Variants in RFX3 observed in about 807,000 individuals in gnomAD.
RFX3 encodes the protein transcription factor RFX3.
RFX3 carries 14 observed loss-of-function variants against 98.6 expected under a neutral mutation model. The observed-to-expected ratio is 0.14, with a 90% CI of 0.09 to 0.22. RFX3 has a LOEUF of 0.22. RFX3 is among the 10% of genes least tolerant of loss of function. The pLI is 1.00. For missense variants in RFX3, 639 were observed against 926.9 expected, an observed-to-expected ratio of 0.69 and a Z score of 4.03; for synonymous variants, 383 against 328.4, an observed-to-expected ratio of 1.17 and a Z score of -1.80.
At chr9:3,328,220 T>C (rs1219044566) in intron 4 of RFX3, among the ~76,000 whole-genome samples, 1 of 152,196 alleles carries the variant, frequency 6.6e-6, no homozygotes, top group Admixed American at 6.5e-5. Flanking sequence ...TTCCTTTCAC[T>C]GAAAATAATT....
chr9:3,336,803 A>G (rs186275119), intron 3 of RFX3, among the ~76,000 whole-genome samples: 3 of 152,334 alleles, frequency 2.0e-5, no homozygotes, highest in East Asian at 3.9e-4. Flanking sequence ...CAGCATTTAA[A>G]AAAGAGACTA....
intron 15 of RFX3, among the ~76,000 whole-genome samples, chr9:3,236,627 G>C (rs1192437035): frequency 6.6e-6 from 1 of 152,152 alleles, no homozygotes; most frequent in African/African-American, 2.4e-5. Context: ...CCAAGGTGCT[G>C]GCATGTTATC....
chr9:3,426,772 G>C (rs1364272917), intron 1 of RFX3, among the ~76,000 whole-genome samples: 1 of 152,182 alleles, frequency 6.6e-6, no homozygotes, highest in Non-Finnish European at 1.5e-5. Context: ...TGTCTAGCTG[G>C]AGGGAAACAA....
At chr9:3,370,840 T>A (rs1042473568) in intron 2 of RFX3, among the ~76,000 whole-genome samples, 1 of 152,158 alleles carries the variant, frequency 6.6e-6, no homozygotes, top group Non-Finnish European at 1.5e-5. Flanking sequence ...AATTGGTGCA[T>A]GTGTCTATGA....
At chr9:3,349,705 C>A (rs1481765023) in intron 2 of RFX3, among the ~76,000 whole-genome samples, 3 of 152,034 alleles carry the variant, frequency 2.0e-5, no homozygotes, top group South Asian at 4.2e-4. Context: ...GAAGTGCCCA[C>A]GTGTGAATAC....
At chr9:3,268,539 G>T (rs529068853) in intron 11 of RFX3, among the ~76,000 whole-genome samples, 2 of 151,794 alleles carry the variant, frequency 1.3e-5, no homozygotes, top group South Asian at 4.2e-4. Context: ...TGTAGAATGG[G>T]AATTAAATTT....
chr9:3,275,639 A>G (rs761665504), intron 8 of RFX3, 27 bp from the exon 9 acceptor site: 2 of 1,424,598 alleles, frequency 1.4e-6, no homozygotes, highest in Non-Finnish European at 2.0e-6. Flanking sequence ...AGAACAGAAA[A>G]AAGCTATTGT....
intron 1 of RFX3, among the ~76,000 whole-genome samples, chr9:3,404,247 A>C (rs1316004917): frequency 6.6e-6 from 1 of 152,214 alleles, no homozygotes; most frequent in South Asian, 2.1e-4. Flanking sequence ...ACTTGCTGTA[A>C]AACATAATGC....
rs1845711165 is a variant in RFX3, at chr9:3,442,739, A to T, written c.-8-47143T>A. Among the ~76,000 whole-genome samples, 7 of 152,334 alleles carry T rather than the reference A, an allele frequency of 4.6e-5. No individual in the cohort carries two copies. In the South Asian group the frequency reaches 1.4e-3, roughly 32 times the overall value. On this transcript the variant is annotated intron_variant, in intron 1 of 16. Transcript: ENST00000617270. ...AATCTAAAATTATTCCAAAGTAAAA[A>T]GTTTATTATAAAAATGGATTATAGA... is the stretch of plus-strand genomic sequence containing the variant.
At chr9:3,374,189 G>T (rs549149243) in intron 2 of RFX3, among the ~76,000 whole-genome samples, 27 of 152,080 alleles carry the variant, frequency 1.8e-4, no homozygotes, top group African/African-American at 6.3e-4. Flanking sequence ...TGTTGGTGAG[G>T]GTGTGGAGAA....
intron 4 of RFX3, among the ~76,000 whole-genome samples, chr9:3,326,038 C>T (rs934608260): frequency 1.3e-5 from 2 of 151,996 alleles, no homozygotes; most frequent in Non-Finnish European, 2.9e-5. Flanking sequence ...TTAGCTGAAC[C>T]CATATCCAGT....
chr9:3,444,737 G>A (rs1845890467), intron 1 of RFX3, among the ~76,000 whole-genome samples: 1 of 152,224 alleles, frequency 6.6e-6, no homozygotes, highest in African/African-American at 2.4e-5. Context: ...GATTTGGTCT[G>A]TGTGGCTTCA....
intron 1 of RFX3, among the ~76,000 whole-genome samples, chr9:3,506,366 G>C (rs1200067352): frequency 1.3e-5 from 2 of 151,796 alleles, no homozygotes; most frequent in African/African-American, 4.8e-5. Context: ...ACTACTGGTT[G>C]CCTTGGTGTA....
chr9:3,397,696 G>C lies in RFX3; in HGVS notation c.-8-2100C>G, dbSNP rs182492156. Reference sequence around the variant, plus strand: ...ACTTTGACATTGGCATCTTTTTAGGGGATTATTTTCTCATTCTTTTGTTAG... The same window carrying C: ...ACTTTGACATTGGCATCTTTTTAGGCGATTATTTTCTCATTCTTTTGTTAG... On this transcript the variant is annotated intron_variant, in intron 1 of 16. Coordinates refer to ENST00000617270, the MANE Select transcript of RFX3 (RefSeq NM_001282116.2). 3.6e-3 allele frequency among the ~76,000 whole-genome samples: 547 copies of C among 152,074 alleles called. 1 individual carries two copies. The highest frequency in any genetic ancestry group is 6.3e-3 in the Non-Finnish European group (430 of 67,988).
intron 4 of RFX3, among the ~76,000 whole-genome samples, chr9:3,319,400 G>A (rs1352022195): frequency 6.6e-6 from 1 of 151,928 alleles, no homozygotes; most frequent in Admixed American, 6.6e-5. Context: ...GACTACTTAA[G>A]GGAATATAAA....
At chr9:3,515,557 T>A (rs1009935998) in intron 1 of RFX3, among the ~76,000 whole-genome samples, 1 of 152,158 alleles carries the variant, frequency 6.6e-6, no homozygotes, top group Non-Finnish European at 1.5e-5. Context: ...TGTAATGCAC[T>A]GATGTCTAAC....
At chr9:3,425,478 T>A (rs984323987) in intron 1 of RFX3, among the ~76,000 whole-genome samples, 1 of 152,228 alleles carries the variant, frequency 6.6e-6, no homozygotes, top group African/African-American at 2.4e-5. Context: ...TTCAACATTT[T>A]AAAATGTATA....
chr9:3,524,426 G>A lies in RFX3; in HGVS notation c.-9+1321C>T, dbSNP rs546047323. ...ATCAAAAAGTAAATAAAAAGAATAT[G>A]TTAAGTACACACATGCCTAGATCTT... On this transcript the variant is annotated intron_variant, in intron 1 of 16. Coordinates refer to ENST00000617270, the MANE Select transcript of RFX3 (RefSeq NM_001282116.2). 5.9e-5 allele frequency: 39 copies of A among 658,612 alleles called. No homozygotes were observed. In the South Asian group the frequency reaches 2.5e-3, roughly 43 times the overall value. 40.8% of individuals were successfully genotyped at this position (658,612 alleles called of 1,614,324 possible).
chr9:3,349,035 C>G (rs546166800), intron 2 of RFX3, among the ~76,000 whole-genome samples: 14 of 152,070 alleles, frequency 9.2e-5, no homozygotes, highest in Non-Finnish European at 5.9e-5. Context: ...ATTCATATTT[C>G]TAGGTCTTTT....
Sources: gnomAD v4.1 joint callset for allele counts (sites outside exome capture counted in the v4.1 genomes callset) on GRCh38, gnomAD v4.1.1 for gene constraint, MANE v1.5 for transcripts, NCBI Gene and HGNC (gene_info 2026-07-23, HGNC 2026-07-21) for gene names.